CTRB2: variants seen among roughly 807,000 people sequenced by gnomAD.
The protein encoded by CTRB2 is chymotrypsin B2.
A neutral mutation model predicts 19.3 loss-of-function variants in CTRB2; 9 were observed. That is an observed-to-expected ratio of 0.47 (90% CI 0.28 to 0.81). The LOEUF (loss-of-function observed/expected upper bound fraction) is 0.81, where lower values mean the gene tolerates loss of function less well. CTRB2 is among the 40% of genes least tolerant of loss of function. The pLI is 0.11. For synonymous variants in CTRB2, 98 were observed against 117.3 expected, an observed-to-expected ratio of 0.84 and a Z score of 1.06; for missense variants, 210 against 269.7, an observed-to-expected ratio of 0.78 and a Z score of 1.55.
At chr16:75,206,363 G>T in intron 1 of CTRB2, 170 bp from the exon 2 acceptor site, 1 of 680,554 alleles carries the variant, frequency 1.5e-6, no homozygotes, top group Non-Finnish European at 2.4e-6. Context: ...GGAATCCCCA[G>T]GTACAACTGA....
chr16:75,206,328 C>T, intron 1 of CTRB2, 135 bp from the exon 2 acceptor site: 1 of 887,056 alleles, frequency 1.1e-6, no homozygotes. Flanking sequence ...GAGAAGTTGG[C>T]CCTGGCTCTC....
In CTRB2 at chr16:75,207,151, G is replaced by T. The variant is rs201034849; in HGVS notation, c.-10C>A. 308 of 1,556,462 alleles carry T rather than the reference G, an allele frequency of 2.0e-4. No homozygotes were observed. The African/African-American group carries it at 3.7e-3, about 19-fold the overall frequency. On this transcript the variant is annotated 5_prime_UTR_variant, in exon 1 of 7. Transcript: ENST00000303037. ...GCCAGAGGAAAGCCATGGTGCCGCT[G>T]GCAGGGGTGTAGGACGCCTGTCTGC...
At chr16:75,206,372 G>A (rs2038892267) in intron 1 of CTRB2, 179 bp from the exon 2 acceptor site, 1 of 652,820 alleles carries the variant, frequency 1.5e-6, no homozygotes, top group Non-Finnish European at 2.6e-6. Flanking sequence ...AGGTACAACT[G>A]AGTCCAATGA....
At chr16:75,206,227 A>T in intron 1 of CTRB2, 34 bp from the exon 2 acceptor site, 5 of 1,542,802 alleles carry the variant, frequency 3.2e-6, no homozygotes, top group Non-Finnish European at 4.4e-6. Context: ...GGTGGGTACC[A>T]CCCACCCAGG....
In CTRB2 at chr16:75,204,675, G is replaced by T. The variant is rs528836736; in HGVS notation, c.630+98C>A. On this transcript the variant is annotated intron_variant, in intron 6 of 6. Coordinates refer to ENST00000303037, the MANE Select transcript of CTRB2 (RefSeq NM_001025200.4). ...CCTGGCCCTCACTGGGCCCCAGGAG[G>T]GTGTGGGGTTAGTAGATGAGAGCAG... The T allele has an allele frequency of 4.6e-5, 72 of 1,549,012 alleles. 1 individual carries two copies. In the Admixed American group the frequency reaches 6.1e-4, roughly 13 times the overall value.
intron 1 of CTRB2, 79 bp downstream of exon 1, chr16:75,207,011 A>C: frequency 7.5e-7 from 1 of 1,339,672 alleles, no homozygotes; most frequent in Non-Finnish European, 1.0e-6. Context: ...GGGAGCTGGG[A>C]CCCTGCTGCC....
intron 1 of CTRB2, chr16:75,206,740 C>T (rs1379108696): frequency 2.5e-6 from 1 of 395,150 alleles, no homozygotes; most frequent in Non-Finnish European, 4.8e-6. Context: ...CATTCACCAC[C>T]CAAACCTGTG....
In CTRB2 at chr16:75,204,211, G is replaced by A. The variant is rs771612252; in HGVS notation, c.742C>T (p.Arg248Cys). 1.1e-5 allele frequency: 18 copies of A among 1,613,928 alleles called. No homozygotes were observed. The Admixed American group carries it at 1.2e-4, about 10-fold the overall frequency. The change falls in exon 7 of 7, where the codon CGT (arginine) becomes TGT (cysteine). Residue 248 changes from arginine to cysteine, a missense_variant. By Grantham distance (180) the Arg-to-Cys change is radical. Around this residue, in one of 4 missense-constraint regions of CTRB2, gnomAD observed 120 missense variants for 90.8 expected, o/e 1.32. Transcript: ENST00000303037. ...CSTTTPAVYA[R>C]VAKLIPWVQK... ...ACCCAGGGTATGAGCTTGGCGACAC[G>A]GGCGTACACAGCGGGCGTGGTGGTA...
chr16:75,204,736 G>A (rs745750542), intron 6 of CTRB2, 37 bp downstream of exon 6: 42 of 1,230,518 alleles, frequency 3.4e-5, no homozygotes, highest in African/African-American at 1.2e-4. Context: ...CCTGCACCCC[G>A]CTCGCCTGGC....
Position 75,204,135 on chromosome 16 carries a change from A to T in CTRB2, c.*26T>A. The T allele has an allele frequency of 6.2e-7, 1 of 1,614,030 alleles. No individual in the cohort carries two copies. The highest frequency in any genetic ancestry group is 8.5e-7 in the Non-Finnish European group (1 of 1,179,922). Reference sequence around the variant, plus strand: ...CAGATGCATTTAATGGGAAATCTTAAGGCAGGGGTGGCAGGAGCTGCGGGC... The same window carrying T: ...CAGATGCATTTAATGGGAAATCTTATGGCAGGGGTGGCAGGAGCTGCGGGC... On this transcript the variant is annotated 3_prime_UTR_variant, in exon 7 of 7. Coordinates refer to ENST00000303037, the MANE Select transcript of CTRB2 (RefSeq NM_001025200.4).
At chr16:75,204,497 T>G (rs1014255602) in intron 6 of CTRB2, among the ~76,000 whole-genome samples, 175 bp from the exon 7 acceptor site, 10 of 152,064 alleles carry the variant, frequency 6.6e-5, no homozygotes, top group African/African-American at 2.4e-4. Flanking sequence ...CCATGCACTC[T>G]TGGAGGGAGC....
Position 75,205,945 on chromosome 16 carries a change from G to A in CTRB2, c.204C>T (p.Asp68=). The stretch of plus-strand genomic sequence containing the variant: ...CGCAGTGGGCAGCGGTGACCACCCA[G>A]TCCTCGCTGATGAGGGAGCCCCCGC... The part of the protein sequence containing the change: ...HFCGGSLISE[D]WVVTAAHCGV... Residue 68 remains aspartate (D), a synonymous_variant, in exon 3 of 7, where the codon GAC becomes GAT. Transcript: ENST00000303037. 1.1e-6 allele frequency: 1 copy of A among 874,220 alleles called. No individual in the cohort carries two copies. The highest frequency in any genetic ancestry group is 1.7e-6 in the Non-Finnish European group (1 of 589,056). 54.2% of individuals were successfully genotyped at this position (874,220 alleles called of 1,614,324 possible). A position where few individuals can be genotyped will look rare whatever the true frequency, so the allele number is the denominator to read the frequency against.
chr16:75,206,819 C>G (rs1218884735), intron 1 of CTRB2: 2 of 491,488 alleles, frequency 4.1e-6, no homozygotes, highest in Non-Finnish European at 7.5e-6. Context: ...TGCCTCCTCC[C>G]CCCGCCTCCT....
intron 6 of CTRB2, among the ~76,000 whole-genome samples, 185 bp from the exon 7 acceptor site, chr16:75,204,507 C>G (rs1490946460): frequency 1.3e-5 from 2 of 152,124 alleles, no homozygotes; most frequent in African/African-American, 4.8e-5. Flanking sequence ...TTGGAGGGAG[C>G]TGGGGCAGGT....
intron 1 of CTRB2, chr16:75,206,816 T>TC: frequency 4.1e-6 from 2 of 482,388 alleles, no homozygotes; most frequent in East Asian, 7.8e-5. Context: ...ACCTGCCTCC[T>TC]CCCCCCGCCT....
chr16:75,204,152 G>A lies in CTRB2; in HGVS notation c.*9C>T, dbSNP rs1196278664. 1 of 1,614,136 alleles carries A rather than the reference G, an allele frequency of 6.2e-7. No individual in the cohort carries two copies. The highest frequency in any genetic ancestry group is 8.5e-7 in the Non-Finnish European group (1 of 1,180,000). The stretch of plus-strand genomic sequence containing the variant: ...AAATCTTAAGGCAGGGGTGGCAGGA[G>A]CTGCGGGCTCAGTTGGCGGCCAGGA... On this transcript the variant is annotated 3_prime_UTR_variant, in exon 7 of 7. Transcript: ENST00000303037.
chr16:75,204,407 G>T (rs2038870431), intron 6 of CTRB2, 85 bp from the exon 7 acceptor site: 2 of 1,363,248 alleles, frequency 1.5e-6, no homozygotes, highest in East Asian at 2.4e-5. Context: ...CTAGGGAGGG[G>T]TGCGGAGAAA....
intron 1 of CTRB2, 66 bp downstream of exon 1, chr16:75,207,024 T>C: frequency 6.8e-7 from 1 of 1,463,660 alleles, no homozygotes; most frequent in South Asian, 1.2e-5. Flanking sequence ...CTGCTGCCTC[T>C]TGCTGGCCTC....
chr16:75,206,392 T>TG, intron 1 of CTRB2, 199 bp from the exon 2 acceptor site: 1 of 616,960 alleles, frequency 1.6e-6, no homozygotes, highest in Non-Finnish European at 2.8e-6. Flanking sequence ...AACTGGGCTG[T>TG]GGGCTGCTGA....
Sources: allele counts gnomAD v4.1 joint callset (sites outside exome capture counted in the v4.1 genomes callset), GRCh38; gene constraint gnomAD v4.1.1; regional missense constraint gnomAD v4.1.1; transcripts MANE v1.5; gene names NCBI Gene and HGNC (gene_info 2026-07-23, HGNC 2026-07-21).